The following MCC variants were observed in gnomAD, a reference collection of about 807,000 sequenced individuals.
The protein encoded by MCC is MCC regulator of Wnt signaling pathway.
In MCC, 90 loss-of-function variants were observed where a neutral mutation model predicts 116.2. The ratio of observed to expected loss-of-function variants is 0.77; its 90% CI spans 0.65 to 0.92. The LOEUF is 0.92. Among genes scored for constraint, MCC ranks in the 40% least tolerant of loss-of-function variants. The pLI is 0.00. For missense variants in MCC, 1,516 were observed against 1,312.2 expected (o/e 1.16, Z -2.40); for synonymous variants, 578 against 510.5 (o/e 1.13, Z -1.78).
chr5:113,437,699 C>A (rs542678429), intron 1 of MCC, among the ~76,000 whole-genome samples: 1 of 152,318 alleles, frequency 6.6e-6, no homozygotes, highest in Non-Finnish European at 1.5e-5. Flanking sequence ...ATCTACTCGG[C>A]AGTTTCTCCC....
chr5:113,247,251 T>C (rs1198090844), intron 3 of MCC, among the ~76,000 whole-genome samples: 1 of 152,126 alleles, frequency 6.6e-6, no homozygotes, highest in African/African-American at 2.4e-5. Context: ...GACAAAAGCT[T>C]TGTGAAGGCA....
chr5:113,476,402 T>A (rs1580425127), intron 1 of MCC, among the ~76,000 whole-genome samples: 1 of 152,304 alleles, frequency 6.6e-6, no homozygotes, highest in Middle Eastern at 3.4e-3. Flanking sequence ...ACATTTATGG[T>A]CTATTGATTT....
chr5:113,486,560 C>T (rs1034934487), intron 1 of MCC, among the ~76,000 whole-genome samples: 6 of 152,238 alleles, frequency 3.9e-5, no homozygotes, highest in Admixed American at 1.3e-4. Context: ...TTTTTGCATC[C>T]ATGCGGGGAG....
At chr5:113,217,820 T>C (rs146178366) in intron 3 of MCC, among the ~76,000 whole-genome samples, 5 of 152,016 alleles carry the variant, frequency 3.3e-5, no homozygotes, top group East Asian at 1.9e-4. Flanking sequence ...AATGCTGTCC[T>C]ATCTAATCCC....
chr5:113,233,133 C>T (rs1763999518), intron 3 of MCC, among the ~76,000 whole-genome samples: 1 of 152,034 alleles, frequency 6.6e-6, no homozygotes, highest in African/African-American at 2.4e-5. Flanking sequence ...TGTTATAGGC[C>T]CATCCACTTT....
At chr5:113,216,092 G>C (rs1763304258) in intron 3 of MCC, among the ~76,000 whole-genome samples, 2 of 152,158 alleles carry the variant, frequency 1.3e-5, no homozygotes, top group Admixed American at 6.5e-5. Flanking sequence ...AGTTTTATTG[G>C]AACATAGGTA....
chr5:113,145,229 G>C lies in MCC; in HGVS notation c.742-1869C>G, dbSNP rs78280101. On this transcript the variant is annotated intron_variant, in intron 4 of 18. Coordinates refer to ENST00000408903, the MANE Select transcript of MCC (RefSeq NM_001085377.2). ...GTGTGTGCGTGTGTTCATGTTGTAT[G>C]AACATGTACAGATGTAGTGGACACT... 1.9e-4 allele frequency among the ~76,000 whole-genome samples: 29 copies of C among 152,282 alleles called. No individual in the cohort carries two copies. In the East Asian group the frequency reaches 5.6e-3, roughly 29 times the overall value.
At chr5:113,388,031 C>CAT (rs1212507620) in intron 1 of MCC, among the ~76,000 whole-genome samples, 5 of 152,168 alleles carry the variant, frequency 3.3e-5, no homozygotes, top group African/African-American at 9.7e-5. Context: ...AGCCCACTTA[C>CAT]ATATATTGGG....
chr5:113,142,987 G>A (rs1386998071), intron 5 of MCC, among the ~76,000 whole-genome samples: 1 of 152,174 alleles, frequency 6.6e-6, no homozygotes, highest in Non-Finnish European at 1.5e-5. Flanking sequence ...CAGGGCTACT[G>A]TAAGGACCCA....
At chr5:113,336,598 C>G (rs999762585) in intron 3 of MCC, among the ~76,000 whole-genome samples, 1 of 152,226 alleles carries the variant, frequency 6.6e-6, no homozygotes, top group Non-Finnish European at 1.5e-5. Context: ...AACAGCTGAT[C>G]TGACAAACCT....
rs558941561 is a variant in MCC at position 113,040,987 on chromosome 5, C to T, written c.2756+2543G>A. The stretch of plus-strand genomic sequence containing the variant: ...TCCAAATGGCTCCCACTGGAAATAG[C>T]GAGTGGGATTTCCATCCCGTGTTTC... On this transcript the variant is annotated intron_variant, in intron 17 of 18. Transcript: ENST00000408903. Among the ~76,000 whole-genome samples, 44 of 152,274 alleles carry T rather than the reference C, an allele frequency of 2.9e-4. 1 individual carries two copies. In the Middle Eastern group the frequency reaches 0.014, roughly 47 times the overall value.
intron 15 of MCC, among the ~76,000 whole-genome samples, chr5:113,052,653 G>A (rs1416308150): frequency 2.0e-5 from 3 of 152,194 alleles, no homozygotes; most frequent in South Asian, 4.1e-4. Context: ...CGACCAGGGG[G>A]TTGTTTTTCT....
intron 3 of MCC, among the ~76,000 whole-genome samples, chr5:113,255,849 T>C (rs1469990385): frequency 1.3e-4 from 20 of 152,322 alleles, no homozygotes; most frequent in Admixed American, 1.2e-3. Context: ...AAAATGCTGC[T>C]TGGAGTGTAG....
At chr5:113,042,432 G>T (rs1202194965) in intron 17 of MCC, among the ~76,000 whole-genome samples, 1 of 131,680 alleles carries the variant, frequency 7.6e-6, no homozygotes, top group Non-Finnish European at 1.6e-5. Context: ...CTGTGATTGT[G>T]TCACTGCACT....
intron 3 of MCC, among the ~76,000 whole-genome samples, chr5:113,186,089 T>G (rs1052210017): frequency 3.3e-5 from 5 of 152,210 alleles, no homozygotes; most frequent in Admixed American, 3.3e-4. Flanking sequence ...TGAGAGCTGC[T>G]GCTGAGGCAG....
intron 8 of MCC, among the ~76,000 whole-genome samples, chr5:113,100,630 T>G (rs1247560021): frequency 6.6e-6 from 1 of 152,004 alleles, no homozygotes; most frequent in East Asian, 1.9e-4. Flanking sequence ...CAGCACCATG[T>G]CTGGCTAATT....
intron 3 of MCC, among the ~76,000 whole-genome samples, chr5:113,258,254 T>C (rs1333655931): frequency 2.0e-5 from 3 of 152,228 alleles, no homozygotes; most frequent in East Asian, 3.8e-4. Flanking sequence ...ATGTGTATAC[T>C]GAATTGTGAT....
chr5:113,346,571 G>T lies in MCC; in HGVS notation c.416-5841C>A, dbSNP rs375551910. 7.8e-4 allele frequency among the ~76,000 whole-genome samples: 118 copies of T among 152,062 alleles called. No individual in the cohort carries two copies. The South Asian group carries it at 0.024, about 31-fold the overall frequency. ...GCCAAGATCATGCCATTGTACTCCAGCCTGGGCAACAAGAGTGAAACTCTG... is the reference window on the plus strand; with the variant it reads ...GCCAAGATCATGCCATTGTACTCCATCCTGGGCAACAAGAGTGAAACTCTG... On this transcript the variant is annotated intron_variant, in intron 2 of 18. Transcript: ENST00000408903.
At chr5:113,067,770 G>T (rs1245303649) in intron 13 of MCC, among the ~76,000 whole-genome samples, 1 of 152,278 alleles carries the variant, frequency 6.6e-6, no homozygotes, top group East Asian at 1.9e-4. Context: ...AGAGACAGCT[G>T]CAGAAACGCT....
Sources: gnomAD v4.1 joint callset for allele counts (sites outside exome capture counted in the v4.1 genomes callset) on GRCh38, gnomAD v4.1.1 for gene constraint, MANE v1.5 for transcripts, NCBI Gene and HGNC (gene_info 2026-07-23, HGNC 2026-07-21) for gene names.